ATP8A2: variants seen among roughly 807,000 people sequenced by gnomAD.
ATP8A2 encodes the protein ATPase phospholipid transporting 8A2.
A neutral mutation model predicts 165.6 loss-of-function variants in ATP8A2; 100 were observed. The observed-to-expected ratio is 0.60, with a 90% CI of 0.51 to 0.71. The LOEUF is 0.71. ATP8A2 is among the 30% of genes least tolerant of loss of function. ATP8A2 has a pLI of 0.00. For synonymous variants in ATP8A2, 543 were observed against 548.8 expected (o/e 0.99, Z 0.15); for missense variants, 1,227 against 1,479.5 (o/e 0.83, Z 2.80).
At chr13:25,849,560 T>C (rs1354864833) in intron 30 of ATP8A2, among the ~76,000 whole-genome samples, 1 of 152,248 alleles carries the variant, frequency 6.6e-6, no homozygotes, top group Non-Finnish European at 1.5e-5. Context: ...AATTGTGGCT[T>C]TTCCCACAAA....
chr13:25,533,347 T>G, intron 6 of ATP8A2, 34 bp downstream of exon 6: 1 of 1,279,192 alleles, frequency 7.8e-7, no homozygotes, highest in South Asian at 1.2e-5. Context: ...ACCAGTACTA[T>G]TGGTTTGAAG....
chr13:25,672,082 C>T (rs189881476), intron 24 of ATP8A2, among the ~76,000 whole-genome samples: 12 of 152,298 alleles, frequency 7.9e-5, no homozygotes, highest in East Asian at 3.9e-4. Context: ...AATAGAGCAG[C>T]GTACTATTTT....
chr13:25,814,940 G>A (rs3981884), intron 27 of ATP8A2, among the ~76,000 whole-genome samples: 81,269 of 151,752 alleles, frequency 0.54, 22,186 homozygotes, highest in South Asian at 0.62. Flanking sequence ...GCTGAGGTGG[G>A]AGGATCACCT....
intron 2 of ATP8A2, among the ~76,000 whole-genome samples, chr13:25,525,361 AT>A (rs902125875): frequency 2.0e-5 from 3 of 152,154 alleles, no homozygotes; most frequent in Non-Finnish European, 4.4e-5. Context: ...GTATTAGAGT[AT>A]TCTGGGTATG....
chr13:25,530,467 CAA>C, intron 3 of ATP8A2, 93 bp from the exon 4 acceptor site: 1 of 730,224 alleles, frequency 1.4e-6, no homozygotes, highest in Non-Finnish European at 2.4e-6. Flanking sequence ...AACAGAACTG[CAA>C]AAGTGTGAAA....
intron 11 of ATP8A2, among the ~76,000 whole-genome samples, chr13:25,551,934 G>A (rs946724129): frequency 2.0e-5 from 3 of 151,806 alleles, no homozygotes; most frequent in African/African-American, 7.3e-5. Flanking sequence ...ATAATAATTT[G>A]TGTCTCTTAA....
At chr13:25,588,799 A>G (rs2039991110) in intron 23 of ATP8A2, among the ~76,000 whole-genome samples, 1 of 152,180 alleles carries the variant, frequency 6.6e-6, no homozygotes, top group Non-Finnish European at 1.5e-5. Context: ...AGAGGATGGC[A>G]AGGTGATCTG....
chr13:25,772,728 A>G (rs1457120192), intron 26 of ATP8A2, among the ~76,000 whole-genome samples: 3 of 150,534 alleles, frequency 2.0e-5, no homozygotes, highest in Admixed American at 6.6e-5. Flanking sequence ...GTTACATTTA[A>G]TTAATTAATT....
intron 24 of ATP8A2, among the ~76,000 whole-genome samples, chr13:25,622,046 A>C (rs2040981649): frequency 6.6e-6 from 1 of 151,960 alleles, no homozygotes; most frequent in South Asian, 2.1e-4. Context: ...CTCTGCTAAA[A>C]ACATAAAACA....
intron 27 of ATP8A2, among the ~76,000 whole-genome samples, chr13:25,802,832 G>C (rs910719592): frequency 6.6e-6 from 1 of 152,064 alleles, no homozygotes; most frequent in Non-Finnish European, 1.5e-5. Flanking sequence ...CCTCACTAGA[G>C]GTGCAAGTTA....
chr13:25,512,301 C>T (rs1050656850), intron 2 of ATP8A2, among the ~76,000 whole-genome samples: 4 of 152,176 alleles, frequency 2.6e-5, no homozygotes, highest in Non-Finnish European at 5.9e-5. Flanking sequence ...GACACGGCAA[C>T]CATCCGATTT....
chr13:25,774,297 A>T (rs774638440), intron 26 of ATP8A2, among the ~76,000 whole-genome samples: 3 of 152,134 alleles, frequency 2.0e-5, no homozygotes, highest in Non-Finnish European at 4.4e-5. Flanking sequence ...TCCTCAGCAA[A>T]CTAACACAGG....
At chr13:25,534,228 A>C (rs758052642) in intron 6 of ATP8A2, 1 of 532,564 alleles carries the variant, frequency 1.9e-6, no homozygotes, top group Non-Finnish European at 3.9e-6. Flanking sequence ...AGTGTTTTAC[A>C]GTAACACCTT....
At chr13:25,802,271 T>G (rs1950637564) in intron 27 of ATP8A2, among the ~76,000 whole-genome samples, 1 of 152,172 alleles carries the variant, frequency 6.6e-6, no homozygotes, top group Non-Finnish European at 1.5e-5. Flanking sequence ...ATTCAGTGAT[T>G]GAGGCTCAGT....
intron 33 of ATP8A2, among the ~76,000 whole-genome samples, chr13:25,930,577 TGAC>T (rs1954744043): frequency 6.6e-6 from 1 of 152,242 alleles, no homozygotes; most frequent in African/African-American, 2.4e-5. Context: ...TTGCCATTTA[TGAC>T]AAGAATGTTA....
chr13:25,813,013 G>A (rs111336001), intron 27 of ATP8A2, among the ~76,000 whole-genome samples: 3,268 of 152,120 alleles, frequency 0.021, 110 homozygotes, highest in African/African-American at 0.075. Flanking sequence ...GAGCTGAACA[G>A]TGTGAACACA....
intron 24 of ATP8A2, among the ~76,000 whole-genome samples, chr13:25,594,715 A>G (rs1303160705): frequency 2.0e-5 from 3 of 152,076 alleles, no homozygotes; most frequent in African/African-American, 7.2e-5. Context: ...ATAGTCTCCA[A>G]TCTCATCCAG....
intron 27 of ATP8A2, among the ~76,000 whole-genome samples, chr13:25,809,990 G>T (rs1950826246): frequency 6.6e-6 from 1 of 152,202 alleles, no homozygotes; most frequent in African/African-American, 2.4e-5. Flanking sequence ...TTCCTGGGGA[G>T]CTGGCTTCTG....
intron 24 of ATP8A2, among the ~76,000 whole-genome samples, chr13:25,642,296 C>T (rs2041547069): frequency 1.3e-5 from 2 of 152,098 alleles, no homozygotes; most frequent in East Asian, 1.9e-4. Flanking sequence ...AAGAAACTAC[C>T]ATCAGAGTGA....
Sources: allele counts gnomAD v4.1 joint callset (sites outside exome capture counted in the v4.1 genomes callset), GRCh38; gene constraint gnomAD v4.1.1; transcripts MANE v1.5; gene names NCBI Gene and HGNC (gene_info 2026-07-23, HGNC 2026-07-21).